The following RANBP17 variants were observed in gnomAD, a reference collection of about 807,000 sequenced individuals.
RANBP17 encodes RAN binding protein 17.
RANBP17 carries 158 observed loss-of-function variants against 141.2 expected under a neutral mutation model. That is an observed-to-expected ratio of 1.12 (90% CI 0.98 to 1.28). The LOEUF (loss-of-function observed/expected upper bound fraction) is 1.28, where lower values mean the gene tolerates loss of function less well. Ranked by LOEUF, RANBP17 falls within the 50% of genes most tolerant of loss-of-function variation. The probability of loss-of-function intolerance (pLI) is 0.00; values close to 1 mark genes in which losing one functional copy is unlikely to be tolerated. For synonymous variants in RANBP17, 430 were observed against 450.0 expected, an observed-to-expected ratio of 0.96 and a Z score of 0.56; for missense variants, 1,438 against 1,290.7, an observed-to-expected ratio of 1.11 and a Z score of -1.75.
intron 5 of RANBP17, among the ~76,000 whole-genome samples, chr5:170,899,972 A>AT (rs1770487825): frequency 6.6e-6 from 1 of 152,054 alleles, no homozygotes; most frequent in African/African-American, 2.4e-5. Context: ...ATGGCCTGAA[A>AT]TTTTCTTTTT....
chr5:171,197,981 G>A (rs1280481212), intron 18 of RANBP17, among the ~76,000 whole-genome samples: 1 of 152,230 alleles, frequency 6.6e-6, no homozygotes, highest in Non-Finnish European at 1.5e-5. Context: ...AGAGCTTGCA[G>A]TGAGCCAAGA....
intron 21 of RANBP17, among the ~76,000 whole-genome samples, chr5:171,215,282 C>T (rs1309463851): frequency 2.0e-5 from 3 of 152,140 alleles, no homozygotes; most frequent in Non-Finnish European, 4.4e-5. Context: ...ATATGTGCCA[C>T]ATTTTCTTTA....
At chr5:171,140,061 C>A (rs1757587455) in intron 14 of RANBP17, among the ~76,000 whole-genome samples, 1 of 152,152 alleles carries the variant, frequency 6.6e-6, no homozygotes, top group East Asian at 1.9e-4. Flanking sequence ...TTTCTCCCAA[C>A]CTTCCCCTTT....
intron 14 of RANBP17, among the ~76,000 whole-genome samples, chr5:170,986,042 G>T (rs1233307880): frequency 2.0e-5 from 3 of 152,066 alleles, no homozygotes; most frequent in Non-Finnish European, 2.9e-5. Context: ...TATAAATAAA[G>T]TTACCATACA....
intron 21 of RANBP17, among the ~76,000 whole-genome samples, chr5:171,216,723 G>T (rs1396657452): frequency 6.6e-6 from 1 of 152,140 alleles, no homozygotes; most frequent in Non-Finnish European, 1.5e-5. Flanking sequence ...TCTATTGTTG[G>T]TATATAGGAA....
intron 14 of RANBP17, among the ~76,000 whole-genome samples, chr5:171,141,224 T>C (rs895678629): frequency 1.3e-5 from 2 of 152,196 alleles, no homozygotes; most frequent in African/African-American, 4.8e-5. Context: ...TCTTTCTCAG[T>C]GGAAACAAAG....
At chr5:171,222,189 G>A (rs1384784438) in intron 22 of RANBP17, among the ~76,000 whole-genome samples, 1 of 152,198 alleles carries the variant, frequency 6.6e-6, no homozygotes, top group African/African-American at 2.4e-5. Flanking sequence ...AATGCTTAAA[G>A]CAGAATGTCA....
Position 170,916,526 on chromosome 5 carries a change from G to T in RANBP17, c.896G>T (p.Arg299Leu), listed in dbSNP as rs140960205. Reference protein sequence around the residue: ...TRRSLFNSPERAKYLGNLIKG... With the variant: ...TRRSLFNSPELAKYLGNLIKG... Reference sequence around the variant, plus strand: ...AGGTCCTTATTTAACAGTCCTGAACGTGCCAAGTACCTTGGTAATTTAATT... The same window carrying T: ...AGGTCCTTATTTAACAGTCCTGAACTTGCCAAGTACCTTGGTAATTTAATT... The change falls in exon 9 of 28, where the codon CGT becomes CTT. Residue 299 changes from arginine to leucine, a missense_variant. Coordinates refer to ENST00000523189, the MANE Select transcript of RANBP17 (RefSeq NM_022897.5). 13 of 1,584,030 alleles carry T rather than the reference G, an allele frequency of 8.2e-6. 1 individual carries two copies. In the Admixed American group the frequency reaches 1.9e-4, roughly 23 times the overall value.
intron 14 of RANBP17, among the ~76,000 whole-genome samples, chr5:170,985,937 A>G (rs1180590307): frequency 6.6e-6 from 1 of 152,200 alleles, no homozygotes; most frequent in East Asian, 1.9e-4. Context: ...CTGAATTTAC[A>G]TATTTCCTAA....
At chr5:171,061,500 A>G (rs1457546567) in intron 14 of RANBP17, among the ~76,000 whole-genome samples, 7 of 151,798 alleles carry the variant, frequency 4.6e-5, no homozygotes, top group Non-Finnish European at 8.8e-5. Flanking sequence ...CCTGAGTTCT[A>G]GTTTGATTGC....
intron 13 of RANBP17, among the ~76,000 whole-genome samples, chr5:170,960,800 G>C (rs944446420): frequency 1.3e-5 from 2 of 152,174 alleles, no homozygotes; most frequent in African/African-American, 4.8e-5. Context: ...TCATTATCTG[G>C]CTCCTGCCTG....
intron 8 of RANBP17, among the ~76,000 whole-genome samples, chr5:170,915,484 A>AT (rs1414443197): frequency 6.6e-6 from 1 of 152,046 alleles, no homozygotes; most frequent in Non-Finnish European, 1.5e-5. Flanking sequence ...AGTGGTTCCT[A>AT]TACTTGTACT....
chr5:171,174,264 T>C (rs1367349460), intron 16 of RANBP17, among the ~76,000 whole-genome samples: 1 of 152,178 alleles, frequency 6.6e-6, no homozygotes, highest in Non-Finnish European at 1.5e-5. Flanking sequence ...GAAGTAGCTT[T>C]TTTGAACAGG....
chr5:171,043,436 A>G (rs927397428), intron 14 of RANBP17, among the ~76,000 whole-genome samples: 1 of 152,102 alleles, frequency 6.6e-6, no homozygotes, highest in Non-Finnish European at 1.5e-5. Flanking sequence ...TCTCTCTGGC[A>G]TCCTAAGCCT....
At chr5:171,262,743 T>C (rs1322462966) in intron 24 of RANBP17, among the ~76,000 whole-genome samples, 1 of 152,186 alleles carries the variant, frequency 6.6e-6, no homozygotes, top group African/African-American at 2.4e-5. Context: ...AACTTATTCC[T>C]CTTATCTGGC....
chr5:171,138,793 C>T (rs1757489583), intron 14 of RANBP17, among the ~76,000 whole-genome samples: 1 of 152,122 alleles, frequency 6.6e-6, no homozygotes, highest in African/African-American at 2.4e-5. Flanking sequence ...TATGCCAGGC[C>T]AGGTGCAATG....
At chr5:171,207,973 T>A (rs1318905008) in intron 20 of RANBP17, 3 of 152,160 alleles carry the variant, frequency 2.0e-5, no homozygotes, top group African/African-American at 7.2e-5. Context: ...ATAAGTATGA[T>A]AAAAAAATGC....
At position 171,184,999 on chromosome 5, in the gene RANBP17, C is replaced by T. The variant is rs575693135; in HGVS notation, c.2038+1569C>T. Among the ~76,000 whole-genome samples the T allele has an allele frequency of 1.2e-3, 188 of 151,972 alleles. 2 individuals carry two copies. Among genetic ancestry groups the T allele is most frequent in the South Asian group, 1.5e-3 (7 of 4,786 alleles). On this transcript the variant is annotated intron_variant, in intron 18 of 27. Transcript: ENST00000523189. ...CCAACATGGTGAAACCCTGTCTCTA[C>T]GAAAAATACAAAATTAGCCAGGCAT... is the stretch of plus-strand genomic sequence containing the variant.
intron 10 of RANBP17, among the ~76,000 whole-genome samples, 160 bp from the exon 11 acceptor site, chr5:170,919,281 A>T (rs945602679): frequency 1.3e-5 from 2 of 152,038 alleles, no homozygotes; most frequent in Non-Finnish European, 2.9e-5. Flanking sequence ...TGGTTTCTTT[A>T]TACTTTTTTG....
Sources: gnomAD v4.1 joint callset for allele counts (sites outside exome capture counted in the v4.1 genomes callset) on GRCh38, gnomAD v4.1.1 for gene constraint, MANE v1.5 for transcripts, NCBI Gene and HGNC (gene_info 2026-07-23, HGNC 2026-07-21) for gene names.